HACE1: variants seen among roughly 807,000 people sequenced by gnomAD.
The protein encoded by HACE1 is E3 ubiquitin-protein ligase HACE1.
Under a neutral mutation model 118.4 loss-of-function variants are expected in HACE1, and 73 were observed. The ratio of observed to expected loss-of-function variants is 0.62; its 90% CI spans 0.51 to 0.75. The LOEUF is 0.75. Ranked by LOEUF, HACE1 falls within the 30% of genes least tolerant of loss-of-function variation. The probability of loss-of-function intolerance (pLI) is 0.00; values close to 1 mark genes in which losing one functional copy is unlikely to be tolerated. For missense variants in HACE1, 749 were observed against 1,102.2 expected (o/e 0.68, Z 4.54); for synonymous variants, 368 against 374.8 (o/e 0.98, Z 0.21).
rs2114874874 is a variant in HACE1 at position 104,796,851 on chromosome 6, A to G, written c.714+78T>C. 3 of 1,112,860 alleles carry G rather than the reference A, an allele frequency of 2.7e-6. No individual in the cohort carries two copies. In the South Asian group the frequency reaches 3.8e-5, roughly 14 times the overall value. 68.9% of individuals were successfully genotyped at this position (1,112,860 alleles called of 1,614,324 possible). A position where few individuals can be genotyped will look rare whatever the true frequency, so the allele number is the denominator to read the frequency against. On this transcript the variant is annotated intron_variant, in intron 8 of 23. Transcript: ENST00000262903. The stretch of plus-strand genomic sequence containing the variant: ...TAAAAATCTTTGCACCTACCCTTTC[A>G]TTGAAAAAATAATAATTTTTACCAT...
At position 104,744,202 on chromosome 6, in the gene HACE1, G is replaced by C. The variant is rs1232739185; in HGVS notation, c.2471C>G (p.Thr824Ser). The change falls in exon 22 of 24, where the codon ACT becomes AGT. Residue 824 changes from threonine to serine, a missense_variant. This residue lies in a region of HACE1 where 165 missense variants were observed against 229.9 expected (regional missense o/e 0.72). Coordinates refer to ENST00000262903, the MANE Select transcript of HACE1 (RefSeq NM_020771.4). The part of the protein sequence containing the change: ...QWFWEVVEDI[T>S]QEERVLLLQF... ...TAAGAGAAGAACTCTCTCCTCTTGA[G>C]TAATGTCTTCTACAACTTCCCAGAA... 6.2e-7 allele frequency: 1 copy of C among 1,604,194 alleles called. No homozygotes were observed. The highest frequency in any genetic ancestry group is 2.2e-5 in the East Asian group (1 of 44,718).
In HACE1 at chr6:104,774,025, A is replaced by G. The variant is rs536896887; in HGVS notation, c.1865-1951T>C. On this transcript the variant is annotated intron_variant, in intron 17 of 23. Coordinates refer to ENST00000262903, the MANE Select transcript of HACE1 (RefSeq NM_020771.4). The stretch of plus-strand genomic sequence containing the variant: ...CCAGGCACCAACTAAGCATTTTCAC[A>G]TATCAGCTAACTGAGTTCTTACCAC... Among the ~76,000 whole-genome samples the G allele has an allele frequency of 5.3e-5, 8 of 151,108 alleles. No homozygotes were observed. The South Asian group carries it at 1.3e-3, about 24-fold the overall frequency.
At chr6:104,838,285 T>A (rs1170061666) in intron 5 of HACE1, among the ~76,000 whole-genome samples, 1 of 152,148 alleles carries the variant, frequency 6.6e-6, no homozygotes, top group Non-Finnish European at 1.5e-5. Flanking sequence ...ACTGGAGGAA[T>A]ATCATTACCT....
At chr6:104,763,585 T>C (rs890109926) in intron 19 of HACE1, among the ~76,000 whole-genome samples, 2 of 151,216 alleles carry the variant, frequency 1.3e-5, no homozygotes, top group Non-Finnish European at 2.9e-5. Context: ...ACCTAACTAC[T>C]TAATGGTTAA....
chr6:104,835,513 T>C (rs962397231), intron 5 of HACE1, among the ~76,000 whole-genome samples: 24 of 151,874 alleles, frequency 1.6e-4, no homozygotes, highest in Non-Finnish European at 2.8e-4. Flanking sequence ...TAGGAGATAA[T>C]ATTGAGGAAG....
chr6:104,793,316 G>A (rs1582497795), intron 10 of HACE1, among the ~76,000 whole-genome samples: 3 of 148,162 alleles, frequency 2.0e-5, no homozygotes. Flanking sequence ...CCCTATCATT[G>A]TAAAATCCTC....
At chr6:104,791,977 G>C (rs1309122778) in intron 10 of HACE1, among the ~76,000 whole-genome samples, 2 of 152,230 alleles carry the variant, frequency 1.3e-5, no homozygotes, top group African/African-American at 2.4e-5. Flanking sequence ...TTTACTTTCA[G>C]AAGTATATTT....
chr6:104,776,688 G>A, intron 17 of HACE1, 53 bp downstream of exon 17: 1 of 996,078 alleles, frequency 1.0e-6, no homozygotes, highest in East Asian at 2.4e-5. Flanking sequence ...TACTGAAATA[G>A]TGTGAAAAAT....
At chr6:104,749,932 T>C (rs918819158) in intron 20 of HACE1, among the ~76,000 whole-genome samples, 3 of 152,062 alleles carry the variant, frequency 2.0e-5, no homozygotes, top group Non-Finnish European at 2.9e-5. Flanking sequence ...AAGACAATAC[T>C]ATACAATAAG....
chr6:104,851,163 A>C (rs1017602075), intron 2 of HACE1, among the ~76,000 whole-genome samples, 167 bp from the exon 3 acceptor site: 4 of 152,178 alleles, frequency 2.6e-5, no homozygotes, highest in Non-Finnish European at 5.9e-5. Flanking sequence ...GGCTCACTGC[A>C]ACCTCCACCT....
At chr6:104,850,157 C>T (rs892136716) in intron 3 of HACE1, among the ~76,000 whole-genome samples, 3 of 151,972 alleles carry the variant, frequency 2.0e-5, no homozygotes, top group Non-Finnish European at 2.9e-5. Flanking sequence ...ACCATGTTGG[C>T]GAGGCTGGTC....
intron 1 of HACE1, among the ~76,000 whole-genome samples, chr6:104,853,034 T>C (rs769638812): frequency 3.3e-5 from 5 of 152,150 alleles, no homozygotes; most frequent in Non-Finnish European, 5.9e-5. Context: ...TGTTGGAAAT[T>C]TGGTTGCTAT....
rs1020994249 is a variant in HACE1 at position 104,728,777 on chromosome 6, C to T, written c.*885G>A. On this transcript the variant is annotated 3_prime_UTR_variant, in exon 24 of 24. Coordinates refer to ENST00000262903, the MANE Select transcript of HACE1 (RefSeq NM_020771.4). Reference sequence around the variant, plus strand: ...CCACCAACATCCAAGTGATATTAGGCACATATCACTTGAACTTGACATTTT... The same window carrying T: ...CCACCAACATCCAAGTGATATTAGGTACATATCACTTGAACTTGACATTTT... The T allele has an allele frequency of 3.3e-5, 5 of 152,056 alleles. No homozygotes were observed. The highest frequency in any genetic ancestry group is 9.7e-5 in the African/African-American group (4 of 41,394). 9.4% of individuals were successfully genotyped at this position (152,056 alleles called of 1,614,324 possible).
intron 14 of HACE1, 31 bp downstream of exon 14, chr6:104,784,055 A>C (rs35543340): frequency 0.16 from 163,054 of 1,037,278 alleles, 14,012 homozygotes; most frequent in African/African-American, 0.25. Context: ...ATTTCATTAG[A>C]TAGAATAAAA....
chr6:104,811,509 G>T, intron 6 of HACE1, 116 bp from the exon 7 acceptor site: 1 of 618,944 alleles, frequency 1.6e-6, no homozygotes, highest in Admixed American at 1.9e-5. Context: ...CTTTACATAG[G>T]AACTGAGTGG....
chr6:104,791,520 C>T lies in HACE1; in HGVS notation c.1058G>A (p.Arg353Lys). The T allele has an allele frequency of 1.9e-6, 3 of 1,613,298 alleles. No homozygotes were observed. The highest frequency in any genetic ancestry group is 1.1e-5 in the South Asian group (1 of 91,068). Residue 353 changes from arginine to lysine, a missense_variant, in exon 11 of 24, where the codon AGA (arginine) becomes AAA (lysine). By Grantham distance (26) the Arg-to-Lys change is conservative. Coordinates refer to ENST00000262903, the MANE Select transcript of HACE1 (RefSeq NM_020771.4). ...DMGYNGNKTPRSQVFKPLELL... is the reference protein window; with the variant it reads ...DMGYNGNKTPKSQVFKPLELL... Reference sequence around the variant, plus strand: ...TTTTCTCACCTTGAACACCTGGCTTCTTGGAGTTTTATTCCCATTGTAGCC... The same window carrying T: ...TTTTCTCACCTTGAACACCTGGCTTTTTGGAGTTTTATTCCCATTGTAGCC...
At chr6:104,809,912 A>C (rs1165818399) in intron 7 of HACE1, among the ~76,000 whole-genome samples, 1 of 152,072 alleles carries the variant, frequency 6.6e-6, no homozygotes, top group Non-Finnish European at 1.5e-5. Context: ...ATTATTTCTA[A>C]TTTAAACAAC....
At chr6:104,793,756 G>A (rs761474592) in intron 10 of HACE1, among the ~76,000 whole-genome samples, 3 of 152,040 alleles carry the variant, frequency 2.0e-5, no homozygotes, top group Non-Finnish European at 4.4e-5. Context: ...AATCAGCAGG[G>A]GGAAACAATT....
In HACE1 at chr6:104,854,603, C is replaced by CA. The variant is rs879610167; in HGVS notation, c.77-2233dup. On this transcript the variant is annotated intron_variant, in intron 1 of 23. Coordinates refer to ENST00000262903, the MANE Select transcript of HACE1 (RefSeq NM_020771.4). ...TGTAGTCCTTATCTGGATAGTGATT[C>CA]AAAAAAAAAAACTGTAAAAGGACAT... Among the ~76,000 whole-genome samples the CA allele has an allele frequency of 1.3e-3, 181 of 141,550 alleles. 1 individual carries two copies. Among genetic ancestry groups the CA allele is most frequent in the Admixed American group, 4.9e-3 (69 of 14,124 alleles). The allele number at this position is 141,550 out of a possible 152,430, so 92.9% of individuals were successfully genotyped here.
Sources: allele counts gnomAD v4.1 joint callset (sites outside exome capture counted in the v4.1 genomes callset), GRCh38; gene constraint gnomAD v4.1.1; regional missense constraint gnomAD v4.1.1; transcripts MANE v1.5; gene names NCBI Gene and HGNC (gene_info 2026-07-23, HGNC 2026-07-21).